Variants in ZCCHC17 observed in about 807,000 individuals in gnomAD.
ZCCHC17 encodes zinc finger CCHC domain-containing protein 17.
A neutral mutation model predicts 30.6 loss-of-function variants in ZCCHC17; 18 were observed. The observed-to-expected ratio is 0.59, with a 90% CI of 0.41 to 0.87. ZCCHC17 has a LOEUF of 0.87. Among genes scored for constraint, ZCCHC17 ranks in the 40% least tolerant of loss-of-function variants. ZCCHC17 has a pLI of 0.00. For missense variants in ZCCHC17, 263 were observed against 284.2 expected (o/e 0.93, Z 0.54); for synonymous variants, 88 against 92.4 (o/e 0.95, Z 0.27).
chr1:31,330,669 T>C lies in ZCCHC17; in HGVS notation c.125-6506T>C, dbSNP rs575074005. Among the ~76,000 whole-genome samples, 6 of 152,310 alleles carry C rather than the reference T, an allele frequency of 3.9e-5. No homozygotes were observed. The South Asian group carries it at 1.2e-3, about 32-fold the overall frequency. ...TGATGTAGGAGACCTGATAAACTCATATTTGAATTGCACTTCTGTTATTTA... is the reference window on the plus strand; with the variant it reads ...TGATGTAGGAGACCTGATAAACTCACATTTGAATTGCACTTCTGTTATTTA... On this transcript the variant is annotated intron_variant, in intron 3 of 7. Transcript: ENST00000344147.
intron 7 of ZCCHC17, among the ~76,000 whole-genome samples, chr1:31,363,244 C>T (rs891092104): frequency 1.4e-5 from 2 of 147,966 alleles, no homozygotes; most frequent in Non-Finnish European, 3.0e-5. Flanking sequence ...AGTGCAGTGG[C>T]ACAATCTTAG....
At chr1:31,312,875 C>G (rs1363995494) in intron 2 of ZCCHC17, among the ~76,000 whole-genome samples, 2 of 151,902 alleles carry the variant, frequency 1.3e-5, no homozygotes, top group Non-Finnish European at 2.9e-5. Flanking sequence ...CAGGTTCAAG[C>G]AATTCTCCTG....
At chr1:31,354,178 AT>A (rs1557458998) in intron 7 of ZCCHC17, among the ~76,000 whole-genome samples, 1 of 151,630 alleles carries the variant, frequency 6.6e-6, no homozygotes, top group South Asian at 2.1e-4. Context: ...CTTCCTAAGT[AT>A]TTTTTTCTTT....
At chr1:31,347,794 T>G (rs1639328734) in intron 6 of ZCCHC17, among the ~76,000 whole-genome samples, 1 of 152,112 alleles carries the variant, frequency 6.6e-6, no homozygotes, top group African/African-American at 2.4e-5. Context: ...AAATTTTTTG[T>G]AGAGACGGGG....
rs36008834 is a variant in ZCCHC17, at chr1:31,339,960, C to CTTTTTTTTTTTTTTTT, written c.317+921_317+936dup. Among the ~76,000 whole-genome samples, 15 of 90,414 alleles carry CTTTTTTTTTTTTTTTT rather than the reference C, an allele frequency of 1.7e-4. 1 individual carries two copies. The highest frequency in any genetic ancestry group is 4.5e-4 in the African/African-American group (13 of 28,822). 59.3% of individuals were successfully genotyped at this position (90,414 alleles called of 152,430 possible). ...TCTGTCTCAAGTCTTTCTTGGATTT[C>CTTTTTTTTTTTTTTTT]TTTTTTTTTTTTTTTTTTTTTTTTG... On this transcript the variant is annotated intron_variant, in intron 5 of 7. Transcript: ENST00000344147.
rs560677025 is a variant in ZCCHC17 at position 31,343,401 on chromosome 1, C to T, written c.318-3239C>T. Among the ~76,000 whole-genome samples, 7 of 152,266 alleles carry T rather than the reference C, an allele frequency of 4.6e-5. No homozygotes were observed. In the South Asian group the frequency reaches 1.2e-3, roughly 27 times the overall value. On this transcript the variant is annotated intron_variant, in intron 5 of 7. Transcript: ENST00000344147. The stretch of plus-strand genomic sequence containing the variant: ...AAAGCCTTTGGACAGAGAGGCTTCT[C>T]GTCAGATTAACCTCCCCAGGAATCC...
At chr1:31,319,273 C>A in intron 3 of ZCCHC17, 107 bp downstream of exon 3, 2 of 941,608 alleles carry the variant, frequency 2.1e-6, no homozygotes. Flanking sequence ...GTTTTTCATT[C>A]CTTTGTTTTC....
chr1:31,333,933 G>A (rs1476812307), intron 3 of ZCCHC17, among the ~76,000 whole-genome samples: 1 of 152,146 alleles, frequency 6.6e-6, no homozygotes, highest in Non-Finnish European at 1.5e-5. Context: ...AACCAGTAGA[G>A]GACAGTTGCA....
At chr1:31,335,244 A>G (rs899612310) in intron 3 of ZCCHC17, among the ~76,000 whole-genome samples, 11 of 152,140 alleles carry the variant, frequency 7.2e-5, no homozygotes, top group African/African-American at 2.4e-4. Context: ...GGCTTTGGCA[A>G]TTTTTTGTAG....
At chr1:31,339,131 C>G (rs906390718) in intron 5 of ZCCHC17, 83 bp downstream of exon 5, 1 of 930,732 alleles carries the variant, frequency 1.1e-6, no homozygotes, top group Non-Finnish European at 1.6e-6. Context: ...GAACTGGTAA[C>G]TCTACCATTT....
In ZCCHC17 at chr1:31,349,361, CT is replaced by C. The variant is rs536703888; in HGVS notation, c.564+394del. On this transcript the variant is annotated intron_variant, in intron 7 of 7. Transcript: ENST00000344147. ...TTTGTGGTATATTCTAATCTTTTTT[CT>C]TTTTTTGAGACAGGGTCTCTTGCAG... Among the ~76,000 whole-genome samples the C allele has an allele frequency of 4.5e-4, 68 of 152,094 alleles. No individual in the cohort carries two copies. The South Asian group carries it at 0.011, about 24-fold the overall frequency.
At chr1:31,329,872 T>C (rs1388093183) in intron 3 of ZCCHC17, among the ~76,000 whole-genome samples, 1 of 152,240 alleles carries the variant, frequency 6.6e-6, no homozygotes, top group Non-Finnish European at 1.5e-5. Context: ...TGAGTTTTTT[T>C]GACTGGGAGG....
chr1:31,343,943 C>T (rs1639146218), intron 5 of ZCCHC17, among the ~76,000 whole-genome samples: 1 of 150,456 alleles, frequency 6.6e-6, no homozygotes, highest in Non-Finnish European at 1.5e-5. Context: ...CAACCTCCAC[C>T]TCCTGGGTTC....
intron 5 of ZCCHC17, among the ~76,000 whole-genome samples, chr1:31,346,077 G>A (rs1284816727): frequency 6.6e-6 from 1 of 152,186 alleles, no homozygotes. Context: ...GATAGAAGGA[G>A]AGCTAGTAAC....
chr1:31,300,761 C>A (rs1036573688), intron 1 of ZCCHC17, among the ~76,000 whole-genome samples: 1 of 151,810 alleles, frequency 6.6e-6, no homozygotes, highest in Non-Finnish European at 1.5e-5. Flanking sequence ...TATGGTGAAA[C>A]CCTGTCTCTA....
chr1:31,310,138 G>C lies in ZCCHC17; in HGVS notation c.40G>C (p.Ala14Pro). The part of the protein sequence containing the change: ...GRPETMENLP[A>P]LYTIFQGEVA... Reference sequence around the variant, plus strand: ...GCCTGAGACCATGGAAAACTTGCCTGCTCTCTACACTATTTTCCAAGGAGA... The same window carrying C: ...GCCTGAGACCATGGAAAACTTGCCTCCTCTCTACACTATTTTCCAAGGAGA... The change falls in exon 2 of 8, where the codon GCT becomes CCT. Residue 14 changes from alanine to proline, a missense_variant. By Grantham distance (27) the Ala-to-Pro change is conservative. Coordinates refer to ENST00000344147, the MANE Select transcript of ZCCHC17 (RefSeq NM_016505.4). The C allele has an allele frequency of 6.2e-7, 1 of 1,614,104 alleles. No homozygotes were observed. Among genetic ancestry groups the C allele is most frequent in the Middle Eastern group, 1.6e-4 (1 of 6,062 alleles).
chr1:31,349,622 G>A (rs1284374265), intron 7 of ZCCHC17, among the ~76,000 whole-genome samples: 10 of 152,080 alleles, frequency 6.6e-5, no homozygotes. Context: ...CATGAGCCAC[G>A]ACACCCGTCC....
intron 2 of ZCCHC17, among the ~76,000 whole-genome samples, chr1:31,316,997 ACCGAGGTTCTAT>A (rs1646748736): frequency 6.6e-6 from 1 of 150,800 alleles, no homozygotes; most frequent in Non-Finnish European, 1.5e-5. Flanking sequence ...GAGTCAAGGG[ACCGAGGTTCTAT>A]CCCTAACTTT....
intron 3 of ZCCHC17, among the ~76,000 whole-genome samples, chr1:31,330,262 TGTG>T (rs1638532194): frequency 6.6e-6 from 1 of 152,210 alleles, no homozygotes; most frequent in Admixed American, 6.5e-5. Context: ...GTTACTCTCA[TGTG>T]GTGATTGAGG....
Sources: gnomAD v4.1 joint callset for allele counts (sites outside exome capture counted in the v4.1 genomes callset) on GRCh38, gnomAD v4.1.1 for gene constraint, MANE v1.5 for transcripts, NCBI Gene and HGNC (gene_info 2026-07-23, HGNC 2026-07-21) for gene names.